The following MAPRE2 variants were observed in gnomAD, a reference collection of about 807,000 sequenced individuals.
MAPRE2 encodes microtubule associated protein RP/EB family member 2.
Under a neutral mutation model 43.2 loss-of-function variants are expected in MAPRE2, and 13 were observed. The ratio of observed to expected loss-of-function variants is 0.30; its 90% confidence interval spans 0.20 to 0.48. MAPRE2 has a LOEUF of 0.48. Among genes scored for constraint, MAPRE2 ranks in the 20% least tolerant of loss-of-function variants. The pLI is 0.99. For synonymous variants in MAPRE2, 135 were observed against 148.8 expected (o/e 0.91, Z 0.68); for missense variants, 161 against 400.2 (o/e 0.40, Z 5.10).
chr18:35,063,611 A>G (rs1032599408), intron 1 of MAPRE2, among the ~76,000 whole-genome samples: 2 of 152,160 alleles, frequency 1.3e-5, no homozygotes, highest in South Asian at 4.1e-4. Context: ...AGCAGATAGC[A>G]GTCAACCACT....
At chr18:35,051,796 A>G (rs1278101346) in intron 1 of MAPRE2, among the ~76,000 whole-genome samples, 1 of 152,250 alleles carries the variant, frequency 6.6e-6, no homozygotes, top group Non-Finnish European at 1.5e-5. Context: ...AAATAATAGT[A>G]GCATCAACTT....
chr18:35,057,142 G>C (rs938824681), intron 1 of MAPRE2, among the ~76,000 whole-genome samples: 1 of 152,042 alleles, frequency 6.6e-6, no homozygotes, highest in Non-Finnish European at 1.5e-5. Flanking sequence ...AGCCTCCCAA[G>C]TAACTGGGAT....
chr18:34,996,776 G>A (rs1022684327), intron 1 of MAPRE2, among the ~76,000 whole-genome samples: 2 of 152,170 alleles, frequency 1.3e-5, no homozygotes, highest in Non-Finnish European at 2.9e-5. Flanking sequence ...AGTCTTCAGA[G>A]GTCTGAAATG....
At chr18:34,996,874 G>C (rs928056991) in intron 1 of MAPRE2, among the ~76,000 whole-genome samples, 17 of 152,136 alleles carry the variant, frequency 1.1e-4, no homozygotes, top group African/African-American at 4.1e-4. Context: ...CGGTAGAATA[G>C]ATCCATGAGA....
At chr18:35,063,126 T>C (rs555048577) in intron 1 of MAPRE2, among the ~76,000 whole-genome samples, 10 of 152,044 alleles carry the variant, frequency 6.6e-5, no homozygotes, top group South Asian at 2.1e-4. Flanking sequence ...TTTTTTGAGA[T>C]GGAGTCTCAC....
intron 2 of MAPRE2, among the ~76,000 whole-genome samples, chr18:35,021,638 G>A (rs750088846): frequency 2.0e-5 from 3 of 152,046 alleles, no homozygotes; most frequent in African/African-American, 7.2e-5. Context: ...GAGCTTTGGC[G>A]AATTAAAAAT....
At chr18:35,138,030 CAAG>C (rs914863138) in intron 6 of MAPRE2, among the ~76,000 whole-genome samples, 1 of 152,156 alleles carries the variant, frequency 6.6e-6, no homozygotes, top group African/African-American at 2.4e-5. Context: ...TGCGCTGGCC[CAAG>C]AAGAAGTTCT....
At position 35,001,535 on chromosome 18, in the gene MAPRE2, C is replaced by A. The variant is rs559785531; in HGVS notation, c.-69-3957C>A. ...TCTCAAAAAAAAAAAAAAAAAGATACGTGATGTATCAAGCTGCTATTTCAA... is the reference window on the plus strand; with the variant it reads ...TCTCAAAAAAAAAAAAAAAAAGATAAGTGATGTATCAAGCTGCTATTTCAA... On this transcript the variant is annotated intron_variant, in intron 1 of 7. Coordinates refer to the MAPRE2 transcript ENST00000413393. 1.0e-4 allele frequency among the ~76,000 whole-genome samples: 15 copies of A among 149,262 alleles called. No individual in the cohort carries two copies. The South Asian group carries it at 1.1e-3, about 10-fold the overall frequency.
At chr18:35,041,289 G>A (rs1035243292), upstream of MAPRE2, 34 of 1,388,256 alleles carry the variant, frequency 2.4e-5, no homozygotes, top group East Asian at 8.5e-4. Context: ...TTGAGGCGAG[G>A]TGATGAGTTA....
rs180783113 is a variant in MAPRE2 at position 34,979,879 on chromosome 18, T to G, written c.-70+2800T>G. On this transcript the variant is annotated intron_variant, in intron 1 of 7. Transcript: ENST00000413393. ...TCTCTGTATCTTTAACAGGTTATCT[T>G]AGAGTCATCAAAAAACAAACTTTCT... Among the ~76,000 whole-genome samples, 792 of 152,286 alleles carry G rather than the reference T, an allele frequency of 5.2e-3. 22 individuals carry two copies. The highest frequency in any genetic ancestry group is 0.046 in the Admixed American group (705 of 15,296).
rs943842427 is a variant in MAPRE2 at position 35,064,047 on chromosome 18, A to G, written c.123-6148A>G. 1.5e-4 allele frequency among the ~76,000 whole-genome samples: 21 copies of G among 137,148 alleles called. 1 individual carries two copies. The highest frequency in any genetic ancestry group is 7.6e-4 in the Admixed American group (10 of 13,234). The allele number at this position is 137,148 out of a possible 152,430, so 90.0% of individuals were successfully genotyped here. On this transcript the variant is annotated intron_variant, in intron 1 of 6. Coordinates refer to ENST00000300249, the MANE Select transcript of MAPRE2 (RefSeq NM_014268.4). ...AAAAAAAAAAAATCTGGCCAACGTG[A>G]TGGTTCACACCTGTGGTCCCAGCTA...
intron 1 of MAPRE2, 130 bp from the exon 2 acceptor site, chr18:35,070,065 C>T: frequency 1.8e-6 from 1 of 562,106 alleles, no homozygotes; most frequent in Non-Finnish European, 3.0e-6. Flanking sequence ...GAAAAAGATG[C>T]TAAAGGGCTT....
chr18:35,069,169 TCAA>T (rs1051464766), intron 1 of MAPRE2, among the ~76,000 whole-genome samples: 2 of 152,158 alleles, frequency 1.3e-5, no homozygotes, highest in Non-Finnish European at 2.9e-5. Context: ...CCTAGTTCCT[TCAA>T]CAACAACTTT....
At chr18:35,112,320 C>A (rs568220414) in intron 4 of MAPRE2, among the ~76,000 whole-genome samples, 1 of 151,822 alleles carries the variant, frequency 6.6e-6, no homozygotes, top group Non-Finnish European at 1.5e-5. Context: ...TACAGGCATG[C>A]GCCACCATGC....
At chr18:35,015,678 G>GTGTC (rs1427341591) in intron 2 of MAPRE2, among the ~76,000 whole-genome samples, 1 of 126,922 alleles carries the variant, frequency 7.9e-6, no homozygotes, top group Non-Finnish European at 1.8e-5. Flanking sequence ...GTGTGTGTGT[G>GTGTC]TATTTTTGCC....
intron 1 of MAPRE2, among the ~76,000 whole-genome samples, chr18:35,045,623 G>A (rs866822103): frequency 6.6e-6 from 1 of 152,148 alleles, no homozygotes; most frequent in African/African-American, 2.4e-5. Context: ...TTTTGTGCAC[G>A]TGTGTGTATA....
Position 35,070,291 on chromosome 18 carries a change from A to C in MAPRE2, c.219A>C (p.Leu73Phe). The change falls in exon 2 of 7, where the codon TTA becomes TTC. Residue 73 changes from leucine (L) to phenylalanine (F), a missense_variant. Physicochemically the swap from Leu to Phe is conservative, Grantham distance 22. This residue lies in a region of MAPRE2 where 65 missense variants were observed against 246.9 expected (regional missense o/e 0.26). Transcript: ENST00000300249. ...IIAWVNDIVS[L>F]NYTKVEQLCS... is the part of the protein sequence containing the mutation. ...CATGGGTTAATGACATAGTATCTTTAAACTACACAAAAGTGGAACAGCTTT... is the reference window on the plus strand; with the variant it reads ...CATGGGTTAATGACATAGTATCTTTCAACTACACAAAAGTGGAACAGCTTT... 1 of 1,609,848 alleles carries C rather than the reference A, an allele frequency of 6.2e-7. No homozygotes were observed. The highest frequency in any genetic ancestry group is 8.5e-7 in the Non-Finnish European group (1 of 1,178,004).
At chr18:35,057,583 A>C (rs2150610995) in intron 1 of MAPRE2, among the ~76,000 whole-genome samples, 1 of 151,904 alleles carries the variant, frequency 6.6e-6, no homozygotes, top group Non-Finnish European at 1.5e-5. Context: ...AAAGTCTGTC[A>C]GTTCATTCTT....
chr18:35,006,506 T>C (rs2097031940), intron 2 of MAPRE2, among the ~76,000 whole-genome samples: 2 of 152,224 alleles, frequency 1.3e-5, no homozygotes, highest in South Asian at 2.1e-4. Context: ...TGGGGCCTCA[T>C]TGTAATAAAT....
Sources: gnomAD v4.1 joint callset for allele counts (sites outside exome capture counted in the v4.1 genomes callset) on GRCh38, gnomAD v4.1.1 for gene constraint, gnomAD v4.1.1 regional missense constraint, MANE v1.5 for transcripts, NCBI Gene and HGNC (gene_info 2026-07-23, HGNC 2026-07-21) for gene names.